PIK3C2A: variants seen among roughly 807,000 people sequenced by gnomAD.
The protein encoded by PIK3C2A is phosphatidylinositol 4-phosphate 3-kinase C2 domain-containing subunit alpha.
In PIK3C2A, 97 loss-of-function variants were observed where a neutral mutation model predicts 204.5. The observed-to-expected ratio is 0.47, with a 90% CI of 0.40 to 0.56. The LOEUF is 0.56. PIK3C2A is among the 20% of genes least tolerant of loss of function. PIK3C2A has a pLI of 0.00. For synonymous variants in PIK3C2A, 653 were observed against 664.4 expected (o/e 0.98, Z 0.26); for missense variants, 1,735 against 1,969.2 (o/e 0.88, Z 2.25).
chr11:17,105,327 C>G, intron 22 of PIK3C2A, 22 bp from the exon 23 acceptor site: 1 of 1,571,732 alleles, frequency 6.4e-7, no homozygotes, highest in South Asian at 1.2e-5. Flanking sequence ...AAATATTAAG[C>G]TATGTAAAAC....
chr11:17,147,227 T>A (rs1387106158), intron 6 of PIK3C2A, among the ~76,000 whole-genome samples: 1 of 152,184 alleles, frequency 6.6e-6, no homozygotes, highest in Non-Finnish European at 1.5e-5. Flanking sequence ...TCTTCCCCAT[T>A]TTTCCCTGAC....
At chr11:17,187,384 T>C (rs1285212244) in intron 1 of PIK3C2A, among the ~76,000 whole-genome samples, 1 of 152,198 alleles carries the variant, frequency 6.6e-6, no homozygotes, top group Non-Finnish European at 1.5e-5. Flanking sequence ...ATAGCTTTAT[T>C]GAGATATAAC....
intron 26 of PIK3C2A, 135 bp downstream of exon 26, chr11:17,099,725 T>A (rs1463760378): frequency 1.9e-6 from 1 of 514,842 alleles, no homozygotes; most frequent in Non-Finnish European, 3.4e-6. Context: ...GACAGCCTAC[T>A]ATGTGCAATT....
At chr11:17,200,605 A>G (rs1253992377) in intron 1 of PIK3C2A, among the ~76,000 whole-genome samples, 2 of 152,186 alleles carry the variant, frequency 1.3e-5, no homozygotes, top group South Asian at 4.1e-4. Context: ...GGTGGGCTGA[A>G]GGGATTTACT....
At chr11:17,126,445 C>G (rs978471941) in intron 13 of PIK3C2A, among the ~76,000 whole-genome samples, 3 of 152,092 alleles carry the variant, frequency 2.0e-5, no homozygotes, top group Non-Finnish European at 4.4e-5. Context: ...GAATGAAATG[C>G]CTTTGAGTCA....
intron 20 of PIK3C2A, among the ~76,000 whole-genome samples, chr11:17,113,324 T>A (rs778654047): frequency 6.6e-6 from 1 of 152,142 alleles, no homozygotes; most frequent in Non-Finnish European, 1.5e-5. Context: ...AGTTTGAGCT[T>A]TGTAAATGTC....
At chr11:17,126,408 A>C (rs186262019) in intron 13 of PIK3C2A, among the ~76,000 whole-genome samples, 1 of 152,292 alleles carries the variant, frequency 6.6e-6, no homozygotes, top group Non-Finnish European at 1.5e-5. Flanking sequence ...AAGTTTTTTA[A>C]AAAAGAACTC....
chr11:17,171,126 T>C (rs1851142406), intron 1 of PIK3C2A, among the ~76,000 whole-genome samples: 1 of 152,120 alleles, frequency 6.6e-6, no homozygotes, highest in South Asian at 2.1e-4. Context: ...AGAAGGTATA[T>C]GACCTTGGGC....
At chr11:17,097,994 G>A (rs1251900690) in intron 26 of PIK3C2A, among the ~76,000 whole-genome samples, 6 of 152,162 alleles carry the variant, frequency 3.9e-5, no homozygotes, top group African/African-American at 9.7e-5. Context: ...TAGAACTGTA[G>A]AATTCAGTGT....
chr11:17,094,292 T>C lies in PIK3C2A; in HGVS notation c.4420A>G (p.Ser1474Gly). Residue 1474 changes from serine to glycine, a missense_variant, in exon 28 of 33, where the codon AGT becomes GGT. By Grantham distance (56) the Ser-to-Gly change is moderately conservative (BLOSUM62 0). Around this residue, in one of 6 missense-constraint regions of PIK3C2A, gnomAD observed 503 missense variants for 669.0 expected, o/e 0.75. Transcript: ENST00000691414. ...DEFQELHNKL[S>G]IIFPLWKLPG... ...AACTTCCAAAGTGGAAAAATAATAC[T>C]GAGCTTATTGTGAAGTTCCTGAAAT... is the stretch of plus-strand genomic sequence containing the variant. 6.2e-7 allele frequency: 1 copy of C among 1,608,656 alleles called. No homozygotes were observed.
At chr11:17,119,714 A>C (rs1014129668) in intron 16 of PIK3C2A, 72 bp downstream of exon 16, 1 of 877,042 alleles carries the variant, frequency 1.1e-6, no homozygotes, top group African/African-American at 1.7e-5. Flanking sequence ...AAGGAAAGGA[A>C]ATACTTCTGG....
At chr11:17,109,364 A>C (rs540710891) in intron 22 of PIK3C2A, among the ~76,000 whole-genome samples, 16 of 152,338 alleles carry the variant, frequency 1.1e-4, no homozygotes, top group Admixed American at 5.9e-4. Flanking sequence ...TAAACAACAA[A>C]CATTTGTTGA....
At chr11:17,112,735 C>T (rs552280673) in intron 20 of PIK3C2A, 69 bp from the exon 21 acceptor site, 24 of 656,584 alleles carry the variant, frequency 3.7e-5, no homozygotes, top group African/African-American at 1.9e-4. Context: ...TTTTGTCCTA[C>T]GCATTTCCCC....
chr11:17,186,178 G>A (rs571098039), intron 1 of PIK3C2A, among the ~76,000 whole-genome samples: 180 of 152,118 alleles, frequency 1.2e-3, no homozygotes, highest in African/African-American at 4.1e-3. Context: ...TTAATCCCTC[G>A]CTTCCTTCAA....
chr11:17,178,953 T>C (rs1187078545), intron 1 of PIK3C2A, among the ~76,000 whole-genome samples: 2 of 150,728 alleles, frequency 1.3e-5, no homozygotes, highest in South Asian at 2.1e-4. Flanking sequence ...ATGGTCTCCA[T>C]CTCCTGACCT....
At chr11:17,197,889 C>T (rs1040471160) in intron 1 of PIK3C2A, among the ~76,000 whole-genome samples, 1 of 152,102 alleles carries the variant, frequency 6.6e-6, no homozygotes, top group Non-Finnish European at 1.5e-5. Context: ...TGAGTTGCAA[C>T]TGAGAAACCC....
chr11:17,104,907 T>G (rs1254677331), intron 23 of PIK3C2A, among the ~76,000 whole-genome samples: 1 of 152,092 alleles, frequency 6.6e-6, no homozygotes, highest in Admixed American at 6.6e-5. Context: ...ACATTCTGCA[T>G]TAGAAAAATG....
At chr11:17,133,565 A>G (rs890742021) in intron 11 of PIK3C2A, among the ~76,000 whole-genome samples, 1 of 152,198 alleles carries the variant, frequency 6.6e-6, no homozygotes, top group Admixed American at 6.5e-5. Flanking sequence ...TTATAGCATT[A>G]AGCTACTATA....
At chr11:17,179,772 C>T (rs1436168630) in intron 1 of PIK3C2A, among the ~76,000 whole-genome samples, 1 of 151,838 alleles carries the variant, frequency 6.6e-6, no homozygotes, top group Non-Finnish European at 1.5e-5. Context: ...TATAACCAGG[C>T]CTGGCTAATG....
Sources: gnomAD v4.1 joint callset for allele counts (sites outside exome capture counted in the v4.1 genomes callset) on GRCh38, gnomAD v4.1.1 for gene constraint, gnomAD v4.1.1 regional missense constraint, MANE v1.5 for transcripts, NCBI Gene and HGNC (gene_info 2026-07-23, HGNC 2026-07-21) for gene names.